Variants in VPS13B observed in about 807,000 individuals in gnomAD.
VPS13B encodes the protein intermembrane lipid transfer protein VPS13B.
In VPS13B, 285 loss-of-function variants were observed where a neutral mutation model predicts 426.4. The ratio of observed to expected loss-of-function variants is 0.67; its 90% CI spans 0.61 to 0.74. The LOEUF (loss-of-function observed/expected upper bound fraction) is 0.74, where lower values mean the gene tolerates loss of function less well. Among genes scored for constraint, VPS13B ranks in the 30% least tolerant of loss-of-function variants. The pLI, the probability that VPS13B is intolerant of heterozygous loss-of-function variation, is 0.00. For synonymous variants in VPS13B, 1,676 were observed against 1,676.4 expected, an observed-to-expected ratio of 1.00 and a Z score of 0.01; for missense variants, 4,537 against 4,782.6, an observed-to-expected ratio of 0.95 and a Z score of 1.51.
At position 99,452,001 on chromosome 8, in the gene VPS13B, A is replaced by T. The variant is rs571840851; in HGVS notation, c.3445+9366A>T. ...TTTTGTCATGCAGAGTAATTTAGTT[A>T]TTTTTGCGTGCAATCCTTTTGATGG... is the stretch of plus-strand genomic sequence containing the variant. On this transcript the variant is annotated intron_variant, in intron 23 of 61. Coordinates refer to ENST00000357162, the MANE Select transcript of VPS13B (RefSeq NM_152564.5). Among the ~76,000 whole-genome samples the T allele has an allele frequency of 3.3e-5, 5 of 152,208 alleles. No homozygotes were observed. The East Asian group carries it at 9.7e-4, about 29-fold the overall frequency.
At chr8:99,215,210 A>G (rs1815317845) in intron 17 of VPS13B, among the ~76,000 whole-genome samples, 1 of 152,182 alleles carries the variant, frequency 6.6e-6, no homozygotes, top group Admixed American at 6.5e-5. Context: ...AATTCTACTA[A>G]TTCTTAAAGA....
Position 99,674,462 on chromosome 8 carries a change from T to G in VPS13B, c.6046+12971T>G, listed in dbSNP as rs369027733. Among the ~76,000 whole-genome samples the G allele has an allele frequency of 3.3e-4, 50 of 152,234 alleles. No homozygotes were observed. In the South Asian group the frequency reaches 6.6e-3, roughly 20 times the overall value. On this transcript the variant is annotated intron_variant, in intron 35 of 61. Transcript: ENST00000357162. ...CATTCCTTCACTTTTAACCTATGTG[T>G]GTTCTTATAAGTGAATTGAGTCTCT...
chr8:99,826,994 G>A (rs1470523364), intron 51 of VPS13B, among the ~76,000 whole-genome samples: 9 of 151,976 alleles, frequency 5.9e-5, no homozygotes, highest in South Asian at 4.2e-4. Context: ...GAGCATTTTC[G>A]CATCAGTGTT....
chr8:99,470,619 T>G (rs536374793), intron 24 of VPS13B, among the ~76,000 whole-genome samples: 2 of 151,996 alleles, frequency 1.3e-5, no homozygotes, highest in Non-Finnish European at 2.9e-5. Context: ...GAAAAAAGTT[T>G]TTTTAAAAAG....
In VPS13B at chr8:99,143,119, G is replaced by A; in HGVS notation, c.1797G>A (p.Val599=). ...SAVHRILKMI[V]CALEHEYEPY... ...TGCATAGGATTTTGAAAATGATTGT[G>A]TGTGCCTTGGAACATGAATATGAAC... The change falls in exon 13 of 62, where the codon GTG becomes GTA. Residue 599 remains valine (V), a synonymous_variant. Transcript: ENST00000357162. 3 of 1,613,992 alleles carry A rather than the reference G, an allele frequency of 1.9e-6. No individual in the cohort carries two copies. The highest frequency in any genetic ancestry group is 1.7e-4 in the Middle Eastern group (1 of 6,060).
chr8:99,104,933 C>G (rs1405931502), intron 5 of VPS13B, among the ~76,000 whole-genome samples: 1 of 152,066 alleles, frequency 6.6e-6, no homozygotes, highest in Non-Finnish European at 1.5e-5. Context: ...CCTGGAATTT[C>G]TTGATTATCC....
chr8:99,154,732 T>C (rs1186925165), intron 14 of VPS13B, among the ~76,000 whole-genome samples: 2 of 152,178 alleles, frequency 1.3e-5, no homozygotes, highest in Non-Finnish European at 2.9e-5. Context: ...AAGTACAGAT[T>C]GAAATAGATT....
At chr8:99,295,924 T>A (rs945500427) in intron 19 of VPS13B, among the ~76,000 whole-genome samples, 4 of 152,060 alleles carry the variant, frequency 2.6e-5, no homozygotes, top group Admixed American at 2.6e-4. Context: ...TCCCAGCTAC[T>A]TGGGAGGCTG....
intron 33 of VPS13B, among the ~76,000 whole-genome samples, chr8:99,589,619 G>C (rs1826504126): frequency 6.6e-6 from 1 of 151,540 alleles, no homozygotes; most frequent in Non-Finnish European, 1.5e-5. Context: ...TGGACATTTC[G>C]GTTGGTTCCA....
intron 49 of VPS13B, among the ~76,000 whole-genome samples, chr8:99,820,568 TG>T (rs1814300883): frequency 1.3e-5 from 2 of 152,172 alleles, no homozygotes; most frequent in Admixed American, 1.3e-4. Flanking sequence ...TAGGTGGACT[TG>T]GATGTTCATA....
chr8:99,504,835 T>G (rs113694056), intron 27 of VPS13B, among the ~76,000 whole-genome samples: 221 of 152,292 alleles, frequency 1.5e-3, no homozygotes, highest in African/African-American at 5.0e-3. Context: ...AACCCAGGCA[T>G]TGACTTCTCC....
At chr8:99,671,264 G>A (rs1161091255) in intron 35 of VPS13B, among the ~76,000 whole-genome samples, 1 of 151,848 alleles carries the variant, frequency 6.6e-6, no homozygotes, top group African/African-American at 2.4e-5. Flanking sequence ...TATACCTGTT[G>A]GCCATTTGTA....
chr8:99,520,415 G>A (rs1160127586), intron 29 of VPS13B, among the ~76,000 whole-genome samples: 1 of 151,622 alleles, frequency 6.6e-6, no homozygotes, highest in Non-Finnish European at 1.5e-5. Context: ...GTGTGTGTGT[G>A]TGTGTGTGTG....
intron 35 of VPS13B, among the ~76,000 whole-genome samples, chr8:99,677,571 GA>G (rs1830990945): frequency 6.6e-6 from 1 of 152,116 alleles, no homozygotes; most frequent in African/African-American, 2.4e-5. Flanking sequence ...GAAGAAATGA[GA>G]AAAATTACCT....
At chr8:99,822,427 G>A (rs138645139) in intron 50 of VPS13B, among the ~76,000 whole-genome samples, 3 of 152,204 alleles carry the variant, frequency 2.0e-5, no homozygotes, top group African/African-American at 4.8e-5. Flanking sequence ...ATGCTCTGAC[G>A]GCCAAAGTAC....
chr8:99,103,851 G>T (rs1846899809), intron 5 of VPS13B, among the ~76,000 whole-genome samples: 1 of 152,016 alleles, frequency 6.6e-6, no homozygotes, highest in Admixed American at 6.6e-5. Context: ...GCCCAGGTTG[G>T]TCTTGAACTC....
At chr8:99,649,306 C>T (rs1588586320) in intron 34 of VPS13B, among the ~76,000 whole-genome samples, 1 of 151,936 alleles carries the variant, frequency 6.6e-6, no homozygotes, top group Non-Finnish European at 1.5e-5. Context: ...GCCCTTTTTT[C>T]TTCAAATAGT....
chr8:99,441,153 C>T (rs1189245622), intron 22 of VPS13B, among the ~76,000 whole-genome samples: 5 of 151,996 alleles, frequency 3.3e-5, no homozygotes, highest in African/African-American at 9.7e-5. Context: ...CAAACCAATG[C>T]GTTTATTTTT....
chr8:99,124,861 A>G (rs965461305), intron 8 of VPS13B, among the ~76,000 whole-genome samples: 7 of 143,854 alleles, frequency 4.9e-5, no homozygotes, highest in African/African-American at 1.8e-4. Context: ...CAGCCTGGGC[A>G]ACAAGAGCAA....
Sources: allele counts gnomAD v4.1 joint callset (sites outside exome capture counted in the v4.1 genomes callset), GRCh38; gene constraint gnomAD v4.1.1; transcripts MANE v1.5; gene names NCBI Gene and HGNC (gene_info 2026-07-23, HGNC 2026-07-21).